NPAS3: variants seen among roughly 807,000 people sequenced by gnomAD.
NPAS3 encodes the protein neuronal PAS domain-containing protein 3.
NPAS3 carries 14 observed loss-of-function variants against 73.1 expected under a neutral mutation model. The ratio of observed to expected loss-of-function variants is 0.19; its 90% CI spans 0.13 to 0.30. NPAS3 has a LOEUF of 0.30. Among genes scored for constraint, NPAS3 ranks in the 10% least tolerant of loss-of-function variants. The pLI, the probability that NPAS3 is intolerant of heterozygous loss-of-function variation, is 1.00. For missense variants in NPAS3, 1,096 were observed against 1,250.0 expected, an observed-to-expected ratio of 0.88 and a Z score of 1.86; for synonymous variants, 620 against 541.5, an observed-to-expected ratio of 1.14 and a Z score of -2.01.
intron 5 of NPAS3, among the ~76,000 whole-genome samples, chr14:33,636,664 A>G (rs1248462806): frequency 6.6e-6 from 1 of 152,190 alleles, no homozygotes; most frequent in Non-Finnish European, 1.5e-5. Flanking sequence ...TTGACCATGC[A>G]CCAAGATTTG....
At chr14:33,126,905 A>T (rs2043447449) in intron 2 of NPAS3, among the ~76,000 whole-genome samples, 2 of 152,308 alleles carry the variant, frequency 1.3e-5, no homozygotes, top group Non-Finnish European at 1.5e-5. Flanking sequence ...GTTGATTACA[A>T]AAATACATGT....
At chr14:33,160,395 T>C (rs1006289319) in intron 2 of NPAS3, among the ~76,000 whole-genome samples, 2 of 151,138 alleles carry the variant, frequency 1.3e-5, no homozygotes, top group Admixed American at 6.6e-5. Context: ...TTATTTCACA[T>C]TTAGTGAAAA....
intron 3 of NPAS3, among the ~76,000 whole-genome samples, chr14:33,365,801 T>C (rs1201970214): frequency 6.6e-6 from 1 of 152,124 alleles, no homozygotes; most frequent in Non-Finnish European, 1.5e-5. Flanking sequence ...CACAAGTGCA[T>C]TTATATTATA....
intron 4 of NPAS3, among the ~76,000 whole-genome samples, chr14:33,536,449 T>C (rs2054264952): frequency 6.6e-6 from 1 of 152,196 alleles, no homozygotes; most frequent in Non-Finnish European, 1.5e-5. Context: ...TTTTTCCCAA[T>C]GAAATGCAGA....
intron 4 of NPAS3, among the ~76,000 whole-genome samples, chr14:33,391,480 A>G (rs1440519684): frequency 1.3e-5 from 2 of 152,176 alleles, no homozygotes; most frequent in Non-Finnish European, 2.9e-5. Context: ...GGCGTGAGCC[A>G]CTGCGCCCAG....
At chr14:33,689,567 C>T (rs1200479369) in intron 6 of NPAS3, among the ~76,000 whole-genome samples, 4 of 152,232 alleles carry the variant, frequency 2.6e-5, no homozygotes, top group East Asian at 1.9e-4. Context: ...CTACACAAAT[C>T]GTAGTACCCA....
chr14:33,307,590 TC>T (rs2042804619), intron 3 of NPAS3, among the ~76,000 whole-genome samples: 2 of 143,736 alleles, frequency 1.4e-5, no homozygotes, highest in South Asian at 2.2e-4. Flanking sequence ...AGGTTTTTTT[TC>T]AATGTGTGTG....
intron 4 of NPAS3, among the ~76,000 whole-genome samples, chr14:33,429,812 C>T (rs191164872): frequency 2.6e-5 from 4 of 152,202 alleles, no homozygotes; most frequent in Non-Finnish European, 4.4e-5. Context: ...GCCTGGCTCT[C>T]CACTGCTTCA....
intron 6 of NPAS3, among the ~76,000 whole-genome samples, chr14:33,704,139 C>T (rs2060595610): frequency 1.3e-5 from 2 of 152,138 alleles, no homozygotes; most frequent in South Asian, 4.1e-4. Flanking sequence ...TTGCCCATTA[C>T]CTTGCACATA....
At chr14:33,785,044 C>A (rs1443933144) in intron 9 of NPAS3, among the ~76,000 whole-genome samples, 1 of 151,670 alleles carries the variant, frequency 6.6e-6, no homozygotes, top group East Asian at 1.9e-4. Context: ...GCCACTGCGC[C>A]CAGCCTAGTA....
rs185739295 is a variant in NPAS3, at chr14:33,507,019, A to G, written c.469-53102A>G. Among the ~76,000 whole-genome samples the G allele has an allele frequency of 6.6e-5, 10 of 151,934 alleles. No homozygotes were observed. The East Asian group carries it at 1.9e-3, about 30-fold the overall frequency. ...ATCAACAATAAACTCAGATTGGAAA[A>G]AAAAAAATTGTATTGCTCCATGAGG... On this transcript the variant is annotated intron_variant, in intron 4 of 11. Coordinates refer to ENST00000356141, the Ensembl canonical transcript of NPAS3.
At chr14:33,768,013 T>A (rs2062521244) in intron 7 of NPAS3, among the ~76,000 whole-genome samples, 1 of 152,178 alleles carries the variant, frequency 6.6e-6, no homozygotes, top group Non-Finnish European at 1.5e-5. Flanking sequence ...TCTGCGGACA[T>A]GCATCTAACA....
chr14:33,391,348 C>T (rs2046996533), intron 4 of NPAS3, among the ~76,000 whole-genome samples: 1 of 152,036 alleles, frequency 6.6e-6, no homozygotes, highest in African/African-American at 2.4e-5. Context: ...CATGCGCCAC[C>T]ACACCCAGCT....
chr14:33,371,489 A>G (rs17100832), intron 4 of NPAS3, among the ~76,000 whole-genome samples: 2,696 of 152,308 alleles, frequency 0.018, 71 homozygotes, highest in African/African-American at 0.061. Context: ...GGCCAATTAT[A>G]TGCTCTTCAG....
chr14:33,055,555 A>C (rs1245250383), intron 1 of NPAS3, among the ~76,000 whole-genome samples: 2 of 152,274 alleles, frequency 1.3e-5, no homozygotes, highest in Non-Finnish European at 2.9e-5. Context: ...CAAAAACACT[A>C]ATGACATTTG....
intron 5 of NPAS3, among the ~76,000 whole-genome samples, chr14:33,579,746 A>C (rs1206591253): frequency 1.3e-5 from 2 of 152,190 alleles, no homozygotes; most frequent in Non-Finnish European, 2.9e-5. Context: ...GGGAGTATCA[A>C]AAATAAACTG....
intron 5 of NPAS3, among the ~76,000 whole-genome samples, chr14:33,623,116 A>T (rs1205807626): frequency 6.6e-6 from 1 of 152,200 alleles, no homozygotes; most frequent in Admixed American, 6.5e-5. Context: ...AATCCAGAGG[A>T]GGCTAGTAGA....
At chr14:33,183,948 C>G (rs1459758585) in intron 2 of NPAS3, among the ~76,000 whole-genome samples, 1 of 152,136 alleles carries the variant, frequency 6.6e-6, no homozygotes, top group Non-Finnish European at 1.5e-5. Context: ...CTTAGGACAG[C>G]CAGTATCCCT....
chr14:32,941,606 A>G (rs916500363), intron 1 of NPAS3, among the ~76,000 whole-genome samples: 12 of 151,968 alleles, frequency 7.9e-5, no homozygotes, highest in Non-Finnish European at 1.6e-4. Context: ...ACTAAATAAC[A>G]CTTGGTCTGA....
Sources: allele counts gnomAD v4.1 joint callset (sites outside exome capture counted in the v4.1 genomes callset), GRCh38; gene constraint gnomAD v4.1.1; transcripts MANE v1.5; gene names NCBI Gene and HGNC (gene_info 2026-07-23, HGNC 2026-07-21).